Variants in PPP2R5E observed in about 807,000 individuals in gnomAD.
PPP2R5E encodes the protein serine/threonine-protein phosphatase 2A 56 kDa regulatory subunit epsilon isoform.
A neutral mutation model predicts 65.3 loss-of-function variants in PPP2R5E; 4 were observed. The observed-to-expected ratio is 0.06, with a 90% CI of 0.03 to 0.14. The LOEUF is 0.14. Among genes scored for constraint, PPP2R5E ranks in the 10% least tolerant of loss-of-function variants. PPP2R5E has a pLI of 1.00. For synonymous variants in PPP2R5E, 183 were observed against 187.4 expected (o/e 0.98, Z 0.19); for missense variants, 274 against 556.1 (o/e 0.49, Z 5.10).
intron 8 of PPP2R5E, 56 bp downstream of exon 8, chr14:63,393,764 C>A: frequency 1.6e-6 from 2 of 1,245,182 alleles, no homozygotes; most frequent in Non-Finnish European, 2.3e-6. Context: ...ATCAAAAAAA[C>A]GAGTTTGCAA....
chr14:63,447,534 C>G (rs1017727654), intron 3 of PPP2R5E, among the ~76,000 whole-genome samples: 33 of 152,334 alleles, frequency 2.2e-4, no homozygotes, highest in Admixed American at 1.2e-3. Context: ...GCATAAGGAA[C>G]GTTGTGGCTG....
rs117693335 is a variant in PPP2R5E at position 63,394,601 on chromosome 14, T to C, written c.740+625A>G. 3.1e-4 allele frequency among the ~76,000 whole-genome samples: 47 copies of C among 152,306 alleles called. No individual in the cohort carries two copies. The East Asian group carries it at 8.3e-3, about 27-fold the overall frequency. On this transcript the variant is annotated intron_variant, in intron 7 of 13. Coordinates refer to ENST00000337537, the MANE Select transcript of PPP2R5E (RefSeq NM_006246.5). Reference sequence around the variant, plus strand: ...TCCGCCTTAAATATGACCTTTTCCATTTCCAGACATCATTCCTTCTCATTC... The same window carrying C: ...TCCGCCTTAAATATGACCTTTTCCACTTCCAGACATCATTCCTTCTCATTC...
chr14:63,413,851 T>A (rs1199964618), intron 5 of PPP2R5E, among the ~76,000 whole-genome samples: 1 of 152,200 alleles, frequency 6.6e-6, no homozygotes, highest in East Asian at 1.9e-4. Context: ...CATGTTAAAG[T>A]GTGAGCCAGG....
chr14:63,533,072 T>C (rs115678529), intron 2 of PPP2R5E, among the ~76,000 whole-genome samples: 3,489 of 152,220 alleles, frequency 0.023, 135 homozygotes, highest in African/African-American at 0.08. Flanking sequence ...TGGGCTCAAG[T>C]AATCCTCCCA....
chr14:63,476,487 T>C (rs1890418103), intron 2 of PPP2R5E, among the ~76,000 whole-genome samples: 1 of 152,168 alleles, frequency 6.6e-6, no homozygotes, highest in South Asian at 2.1e-4. Context: ...CCACTCCTCC[T>C]TCCGCTAAAG....
chr14:63,521,208 T>C (rs1892894698), intron 2 of PPP2R5E, among the ~76,000 whole-genome samples: 1 of 152,214 alleles, frequency 6.6e-6, no homozygotes, highest in Non-Finnish European at 1.5e-5. Context: ...TCCCAGTTAC[T>C]TGAACTGCCT....
At chr14:63,439,177 T>C (rs2139425129) in intron 3 of PPP2R5E, among the ~76,000 whole-genome samples, 1 of 152,230 alleles carries the variant, frequency 6.6e-6, no homozygotes, top group Non-Finnish European at 1.5e-5. Flanking sequence ...GATGGTACCA[T>C]GAATAATGAT....
intron 3 of PPP2R5E, among the ~76,000 whole-genome samples, chr14:63,435,497 A>G (rs1887910426): frequency 6.6e-6 from 1 of 152,154 alleles, no homozygotes; most frequent in Non-Finnish European, 1.5e-5. Context: ...CTGCCAGCCT[A>G]ATCTTCCTTA....
chr14:63,449,173 A>T (rs1054352797), intron 3 of PPP2R5E, among the ~76,000 whole-genome samples: 29 of 152,198 alleles, frequency 1.9e-4, no homozygotes, highest in Non-Finnish European at 2.9e-5. Context: ...ATTCTGGTGA[A>T]GTGATTTTGT....
At chr14:63,505,169 T>C (rs995748905) in intron 2 of PPP2R5E, among the ~76,000 whole-genome samples, 3 of 152,066 alleles carry the variant, frequency 2.0e-5, no homozygotes, top group Non-Finnish European at 4.4e-5. Context: ...ACCCTGCCTC[T>C]ACTAAAAATA....
chr14:63,378,422 C>T (rs1037381208), intron 13 of PPP2R5E, among the ~76,000 whole-genome samples: 1 of 152,160 alleles, frequency 6.6e-6, no homozygotes, highest in Non-Finnish European at 1.5e-5. Context: ...TAATGGAACA[C>T]TAGGCATAAA....
chr14:63,417,733 G>A (rs576759869), intron 4 of PPP2R5E, among the ~76,000 whole-genome samples: 1 of 152,098 alleles, frequency 6.6e-6, no homozygotes, highest in African/African-American at 2.4e-5. Flanking sequence ...TTAATTACAA[G>A]TACGTGGCAG....
chr14:63,426,943 G>A (rs1011400268), intron 3 of PPP2R5E, among the ~76,000 whole-genome samples: 2 of 152,094 alleles, frequency 1.3e-5, no homozygotes, highest in African/African-American at 2.4e-5. Flanking sequence ...AGTCCAATTT[G>A]GGAAAAGGCC....
intron 5 of PPP2R5E, among the ~76,000 whole-genome samples, chr14:63,411,658 TA>T (rs766263301): frequency 0.011 from 981 of 93,110 alleles, 6 homozygotes; most frequent in Non-Finnish European, 0.012. Context: ...TGTGGTTGTT[TA>T]AAAAAAAAAA....
At chr14:63,383,431 C>T (rs1884483326) in intron 12 of PPP2R5E, among the ~76,000 whole-genome samples, 1 of 152,150 alleles carries the variant, frequency 6.6e-6, no homozygotes, top group Non-Finnish European at 1.5e-5. Context: ...AATGACCTTC[C>T]TCCCAAGGGC....
chr14:63,408,143 C>T (rs1212485167), intron 5 of PPP2R5E, among the ~76,000 whole-genome samples: 1 of 152,180 alleles, frequency 6.6e-6, no homozygotes, highest in Non-Finnish European at 1.5e-5. Context: ...TTTTTACAAA[C>T]TGATGAATAT....
chr14:63,432,594 T>C (rs1214844130), intron 3 of PPP2R5E, among the ~76,000 whole-genome samples: 5 of 152,134 alleles, frequency 3.3e-5, no homozygotes, highest in African/African-American at 4.8e-5. Context: ...TTGTCTTTTG[T>C]TTCCACTCTC....
chr14:63,380,609 C>T (rs28571942), intron 13 of PPP2R5E, among the ~76,000 whole-genome samples: 26,100 of 151,734 alleles, frequency 0.17, 3,357 homozygotes, highest in East Asian at 0.48. Context: ...TTGCAGTGAG[C>T]TGAGATCGCG....
At chr14:63,470,286 G>A (rs912249384) in intron 2 of PPP2R5E, among the ~76,000 whole-genome samples, 3 of 151,934 alleles carry the variant, frequency 2.0e-5, no homozygotes, top group Non-Finnish European at 4.4e-5. Flanking sequence ...TACCCAGGGT[G>A]GTCTTGAACT....
Sources: gnomAD v4.1 joint callset for allele counts (sites outside exome capture counted in the v4.1 genomes callset) on GRCh38, gnomAD v4.1.1 for gene constraint, MANE v1.5 for transcripts, NCBI Gene and HGNC (gene_info 2026-07-23, HGNC 2026-07-21) for gene names.